The following PCNX2 variants were observed in gnomAD, a reference collection of about 807,000 sequenced individuals.
The protein encoded by PCNX2 is pecanex 2, also known as pecanex-like protein 2.
In PCNX2, 168 loss-of-function variants were observed where a neutral mutation model predicts 223.8. That is an observed-to-expected ratio of 0.75 (90% CI 0.66 to 0.85). The LOEUF is 0.85. Ranked by LOEUF, PCNX2 falls within the 40% of genes least tolerant of loss-of-function variation. The pLI is 0.00. For missense variants in PCNX2, 2,507 were observed against 2,675.5 expected (o/e 0.94, Z 1.39); for synonymous variants, 1,006 against 1,052.6 (o/e 0.96, Z 0.86).
At chr1:232,987,524 T>C (rs1309130172) in intron 32 of PCNX2, among the ~76,000 whole-genome samples, 1 of 152,198 alleles carries the variant, frequency 6.6e-6, no homozygotes, top group East Asian at 1.9e-4. Flanking sequence ...CTGCAGCTGC[T>C]ACAATTAGGC....
intron 9 of PCNX2, among the ~76,000 whole-genome samples, chr1:233,231,031 A>G (rs1658029267): frequency 1.3e-5 from 2 of 152,322 alleles, no homozygotes; most frequent in Admixed American, 6.5e-5. Flanking sequence ...TAATTTTGCC[A>G]TATATTATCT....
intron 21 of PCNX2, among the ~76,000 whole-genome samples, chr1:233,109,108 C>G (rs935621970): frequency 2.0e-5 from 3 of 152,186 alleles, no homozygotes; most frequent in Non-Finnish European, 4.4e-5. Flanking sequence ...AGGATAACCA[C>G]AGCAACAACA....
rs535193160 is a variant in PCNX2, at chr1:233,198,986, C to A, written c.3019G>T (p.Val1007Phe). The A allele has an allele frequency of 5.6e-6, 9 of 1,605,724 alleles. No individual in the cohort carries two copies. Among genetic ancestry groups the A allele is most frequent in the Non-Finnish European group, 7.6e-6 (9 of 1,176,578 alleles). Residue 1007 changes from valine (V) to phenylalanine (F), a missense_variant, in exon 15 of 34, where the codon GTC becomes TTC. Coordinates refer to ENST00000258229, the MANE Select transcript of PCNX2 (RefSeq NM_014801.4). ...GCGTGGAGCAGGGCGGCAGCCAAGA[C>A]GCTCCGGGCCACACTGTAAACAGCC... The part of the protein sequence containing the change: ...TSAVYSVARS[V>F]LAAALLHAVC...
At chr1:233,112,029 C>A (rs559419144) in intron 21 of PCNX2, among the ~76,000 whole-genome samples, 8 of 152,194 alleles carry the variant, frequency 5.3e-5, no homozygotes, top group Admixed American at 3.3e-4. Context: ...TCCTCTCTTC[C>A]TCCCTGGATG....
At chr1:233,273,700 T>C (rs1660766747) in intron 1 of PCNX2, among the ~76,000 whole-genome samples, 1 of 151,946 alleles carries the variant, frequency 6.6e-6, no homozygotes, top group Non-Finnish European at 1.5e-5. Flanking sequence ...CTCGGCTCAC[T>C]ACAACTTCCT....
intron 21 of PCNX2, among the ~76,000 whole-genome samples, chr1:233,101,693 G>T (rs977807789): frequency 6.6e-6 from 1 of 152,168 alleles, no homozygotes. Flanking sequence ...ACAGTCAGAA[G>T]CAAAGAGGTA....
At chr1:233,134,027 A>C (rs1243706734) in intron 21 of PCNX2, among the ~76,000 whole-genome samples, 1 of 152,216 alleles carries the variant, frequency 6.6e-6, no homozygotes, top group East Asian at 1.9e-4. Flanking sequence ...TAATAGAAAT[A>C]AAGATGAACA....
chr1:233,248,816 A>G (rs1356415575), intron 8 of PCNX2, among the ~76,000 whole-genome samples: 1 of 152,150 alleles, frequency 6.6e-6, no homozygotes, highest in Non-Finnish European at 1.5e-5. Context: ...GCATCAACAC[A>G]TTCAGTTGCC....
chr1:233,179,394 T>C (rs2102859262), intron 15 of PCNX2, among the ~76,000 whole-genome samples: 1 of 152,322 alleles, frequency 6.6e-6, no homozygotes, highest in East Asian at 1.9e-4. Context: ...TGACTAATTA[T>C]ACATACTTAT....
chr1:233,127,216 C>T (rs559057141), intron 21 of PCNX2, among the ~76,000 whole-genome samples: 5 of 152,256 alleles, frequency 3.3e-5, no homozygotes, highest in African/African-American at 9.6e-5. Context: ...CTCTGTAGCA[C>T]GGCACGCTGG....
intron 21 of PCNX2, among the ~76,000 whole-genome samples, chr1:233,106,732 G>A (rs975995943): frequency 6.6e-6 from 1 of 152,116 alleles, no homozygotes; most frequent in East Asian, 1.9e-4. Flanking sequence ...CAGGATGCAT[G>A]CTGCTTGCTT....
intron 28 of PCNX2, among the ~76,000 whole-genome samples, chr1:233,002,263 G>A (rs183496995): frequency 4.1e-4 from 62 of 151,950 alleles, no homozygotes; most frequent in African/African-American, 1.1e-3. Context: ...AGGAAGAGGC[G>A]GAAGAGTGAG....
chr1:232,983,957 T>G lies in PCNX2; in HGVS notation c.*347A>C. ...AGTTGTTTTAAGTTAGTGAATGGCT[T>G]TTGAGATTTCAGATTCTGGAACATG... On this transcript the variant is annotated 3_prime_UTR_variant, in exon 34 of 34. Transcript: ENST00000258229. 1 of 190,350 alleles carries G rather than the reference T, an allele frequency of 5.3e-6. No homozygotes were observed. Among genetic ancestry groups the G allele is most frequent in the Non-Finnish European group, 1.1e-5 (1 of 93,980 alleles). The allele number at this position is 190,350 out of a possible 1,614,324, so 11.8% of individuals were successfully genotyped here.
chr1:233,172,672 G>T, intron 17 of PCNX2: 1 of 400,278 alleles, frequency 2.5e-6, no homozygotes, highest in Non-Finnish European at 3.4e-6. Context: ...TTGGGCAAAT[G>T]CTCTTGGGGC....
chr1:233,030,427 G>T (rs1334915173), intron 25 of PCNX2, among the ~76,000 whole-genome samples: 1 of 151,916 alleles, frequency 6.6e-6, no homozygotes. Flanking sequence ...TCATTTTTCT[G>T]GTTAAGAGTC....
chr1:233,258,475 A>T lies in PCNX2; in HGVS notation c.1387T>A (p.Ser463Thr), dbSNP rs761523858. Reference protein sequence around the residue: ...RTPERLKTRVSTNQCSGYGSG... With the variant: ...RTPERLKTRVTTNQCSGYGSG... ...CCGTAGCCAGAACACTGATTGGTGG[A>T]TACCCTCGTCTTCAGTCTCTCTGGA... The change falls in exon 5 of 34, where the codon TCC becomes ACC. Residue 463 changes from serine to threonine, a missense_variant. Coordinates refer to ENST00000258229, the MANE Select transcript of PCNX2 (RefSeq NM_014801.4). 3.1e-6 allele frequency: 5 copies of T among 1,613,920 alleles called. No individual in the cohort carries two copies. The Admixed American group carries it at 8.3e-5, about 27-fold the overall frequency.
At chr1:233,232,313 G>T (rs1005033809) in intron 9 of PCNX2, among the ~76,000 whole-genome samples, 4 of 152,116 alleles carry the variant, frequency 2.6e-5, no homozygotes. Context: ...TACAAAATAG[G>T]CTTTGTATTT....
chr1:233,263,247 C>A (rs1033323), intron 1 of PCNX2, 84 bp from the exon 2 acceptor site: 411,755 of 1,160,336 alleles, frequency 0.35, 75,700 homozygotes, highest in African/African-American at 0.54. Flanking sequence ...TTTAGACTAT[C>A]TATTGAATAT....
intron 26 of PCNX2, among the ~76,000 whole-genome samples, chr1:233,022,190 G>C (rs1033730784): frequency 6.6e-6 from 1 of 152,182 alleles, no homozygotes; most frequent in African/African-American, 2.4e-5. Flanking sequence ...CAGGCCACCA[G>C]ACCCTTGACT....
Sources: gnomAD v4.1 joint callset for allele counts (sites outside exome capture counted in the v4.1 genomes callset) on GRCh38, gnomAD v4.1.1 for gene constraint, MANE v1.5 for transcripts, NCBI Gene and HGNC (gene_info 2026-07-23, HGNC 2026-07-21) for gene names.